The following KCTD1 variants were observed in gnomAD, a reference collection of about 807,000 sequenced individuals.
KCTD1 encodes the protein potassium channel tetramerization domain containing 1, also known as BTB/POZ domain-containing protein KCTD1.
A neutral mutation model predicts 66.0 loss-of-function variants in KCTD1; 24 were observed. The ratio of observed to expected loss-of-function variants is 0.36; its 90% CI spans 0.26 to 0.51. The LOEUF (loss-of-function observed/expected upper bound fraction) is 0.51, where lower values mean the gene tolerates loss of function less well. KCTD1 is among the 20% of genes least tolerant of loss of function. KCTD1 has a pLI of 0.95. For missense variants in KCTD1, 943 were observed against 1,205.2 expected, an observed-to-expected ratio of 0.78 and a Z score of 3.22; for synonymous variants, 511 against 517.2, an observed-to-expected ratio of 0.99 and a Z score of 0.16.
At position 26,476,541 on chromosome 18, in the gene KCTD1, TG is replaced by T; in HGVS notation, c.2106del (p.Lys703AsnfsTer63). On this transcript the variant is annotated frameshift_variant, in exon 3 of 5. Coordinates refer to ENST00000580059, the MANE Select transcript of KCTD1 (RefSeq NM_001142730.3). LOFTEE classifies it high-confidence loss of function. This position sits in a 1 kb window ranked among gnomAD's most constrained non-coding sequence, Gnocchi z 4.9. ...TTGAAATCATCAGGAATGAGGAGTT[TG>T]GATGTTCGTAGAAAATTCAAGATAT... ...FRYILNFLRT[S>X]KLLIPDDFKD... The T allele has an allele frequency of 6.2e-7, 1 of 1,613,456 alleles. No individual in the cohort carries two copies. The highest frequency in any genetic ancestry group is 8.5e-7 in the Non-Finnish European group (1 of 1,179,758).
At chr18:26,550,433 G>C (rs2144853401), upstream of KCTD1, among the ~76,000 whole-genome samples, 1 of 152,174 alleles carries the variant, frequency 6.6e-6, no homozygotes, top group East Asian at 1.9e-4. The surrounding 1 kb of genome is among the most constrained non-coding windows in gnomAD (Gnocchi z 5.4). Flanking sequence ...AACGCTGCTG[G>C]TCCTCCGCGT....
chr18:26,539,308 G>A (rs1298578370), intron 1 of KCTD1, among the ~76,000 whole-genome samples: 1 of 152,108 alleles, frequency 6.6e-6, no homozygotes, highest in Non-Finnish European at 1.5e-5. Flanking sequence ...GGCTGCATGA[G>A]GATTAAATGA....
intron 3 of KCTD1, among the ~76,000 whole-genome samples, chr18:26,469,642 C>G (rs940883571): frequency 2.0e-5 from 3 of 152,148 alleles, no homozygotes; most frequent in Non-Finnish European, 4.4e-5. Flanking sequence ...TTCTGATAAG[C>G]AGCATACAAT....
At chr18:26,548,867 G>T (rs1293028451), upstream of KCTD1, 2 of 1,007,400 alleles carry the variant, frequency 2.0e-6, no homozygotes, top group African/African-American at 3.4e-5. Context: ...AGCTGTCGGT[G>T]GGGGCGAAAC....
chr18:26,514,299 T>A (rs1027490766), intron 1 of KCTD1, among the ~76,000 whole-genome samples: 5 of 152,098 alleles, frequency 3.3e-5, no homozygotes, highest in Non-Finnish European at 7.4e-5. Context: ...ATGCTTATAA[T>A]CCCAGTGACT....
upstream of KCTD1, among the ~76,000 whole-genome samples, chr18:26,631,960 G>A (rs1387848583): frequency 6.6e-6 from 1 of 152,040 alleles, no homozygotes; most frequent in Non-Finnish European, 1.5e-5. Flanking sequence ...TGAGGCAGGA[G>A]AATGGTGTGA....
intron 1 of KCTD1, among the ~76,000 whole-genome samples, chr18:26,519,373 T>C (rs1291657287): frequency 6.6e-6 from 1 of 152,234 alleles, no homozygotes; most frequent in Non-Finnish European, 1.5e-5. Flanking sequence ...TATTAACCTC[T>C]TGTTCCTAAG....
intron 1 of KCTD1, chr18:26,544,904 T>C (rs1219971446): frequency 6.6e-6 from 1 of 152,196 alleles, no homozygotes; most frequent in Non-Finnish European, 1.5e-5. Flanking sequence ...ATATGGACAC[T>C]CAAATCTATA....
chr18:26,548,295 CCGT>C lies in KCTD1; in HGVS notation c.239_241del (p.Asp80del). On this transcript the variant is annotated inframe_deletion, in exon 1 of 5. Transcript: ENST00000580059. Reference sequence around the variant, plus strand: ...CTCGTCCTCCTCCAGCCCCCCACCTCCGTCCTCCTCCTCCTCCTCGTCCCCCGT... The same window carrying C: ...CTCGTCCTCCTCCAGCCCCCCACCTCCCTCCTCCTCCTCCTCGTCCCCCGT... 3 of 1,510,648 alleles carry C rather than the reference CCGT, an allele frequency of 2.0e-6. No individual in the cohort carries two copies. The highest frequency in any genetic ancestry group is 1.4e-5 in the African/African-American group (1 of 72,322). 93.6% of individuals were successfully genotyped at this position (1,510,648 alleles called of 1,614,324 possible). A position where few individuals can be genotyped will look rare whatever the true frequency, so the allele number is the denominator to read the frequency against.
chr18:26,551,819 G>C (rs1033618210), upstream of KCTD1, among the ~76,000 whole-genome samples: 1 of 152,082 alleles, frequency 6.6e-6, no homozygotes, highest in South Asian at 2.1e-4. Context: ...TATTATTTCT[G>C]TAGAGGCAAT....
At chr18:26,653,251 G>A (rs956492284) in intron 1 of KCTD1, among the ~76,000 whole-genome samples, 32 of 152,132 alleles carry the variant, frequency 2.1e-4, no homozygotes, top group Middle Eastern at 3.2e-3. Context: ...TGCTTCCTCC[G>A]TCTCTTACTC....
chr18:26,562,575 T>A (rs1985886259), intron 1 of KCTD1, among the ~76,000 whole-genome samples: 1 of 152,206 alleles, frequency 6.6e-6, no homozygotes, highest in African/African-American at 2.4e-5. Flanking sequence ...AGATTTGTTT[T>A]GAAATCCATC....
At chr18:26,512,850 G>A (rs1479702034) in intron 1 of KCTD1, among the ~76,000 whole-genome samples, 6 of 152,048 alleles carry the variant, frequency 3.9e-5, no homozygotes, top group Non-Finnish European at 7.4e-5. Flanking sequence ...GTGTGGTGGT[G>A]CATGCCTGTA....
At chr18:26,560,362 G>A (rs1414679683) in intron 1 of KCTD1, among the ~76,000 whole-genome samples, 3 of 152,076 alleles carry the variant, frequency 2.0e-5, no homozygotes, top group African/African-American at 7.2e-5. Context: ...CTGGTTTTCT[G>A]TTATTAAATT....
At chr18:26,656,103 C>T (rs1988130672) in intron 1 of KCTD1, among the ~76,000 whole-genome samples, 1 of 152,232 alleles carries the variant, frequency 6.6e-6, no homozygotes, top group East Asian at 1.9e-4. Context: ...AAACTGAATC[C>T]CTCCCGCCCA....
At position 26,548,249 on chromosome 18, in the gene KCTD1, C is replaced by CTCCTCCTCT; in HGVS notation, c.279_287dup (p.Glu94_Glu96dup). The CTCCTCCTCT allele has an allele frequency of 6.6e-7, 1 of 1,514,854 alleles. No individual in the cohort carries two copies. The highest frequency in any genetic ancestry group is 8.8e-7 in the Non-Finnish European group (1 of 1,135,530). 93.8% of individuals were successfully genotyped at this position (1,514,854 alleles called of 1,614,324 possible). ...GGGGCTCGTCCCAGTCCAGCCCCAT[C>CTCCTCCTCT]TCCTCCTCTTCCTCCTCCTCCTCGT... On this transcript the variant is annotated inframe_insertion, in exon 1 of 5. Coordinates refer to ENST00000580059, the MANE Select transcript of KCTD1 (RefSeq NM_001142730.3).
chr18:26,588,615 G>A (rs1986524002), intron 1 of KCTD1, among the ~76,000 whole-genome samples: 2 of 152,200 alleles, frequency 1.3e-5, no homozygotes, highest in East Asian at 1.9e-4. Flanking sequence ...GCTGGTGTGT[G>A]TGACACCTGT....
At chr18:26,550,563 C>T (rs993268565), upstream of KCTD1, among the ~76,000 whole-genome samples, 5 of 122,088 alleles carry the variant, frequency 4.1e-5, no homozygotes, top group African/African-American at 1.7e-4. The surrounding 1 kb of genome is among the most constrained non-coding windows in gnomAD (Gnocchi z 5.4). Context: ...ACAAGACACA[C>T]AGACACACAC....
At chr18:26,570,278 A>T (rs149071158) in intron 1 of KCTD1, among the ~76,000 whole-genome samples, 1 of 151,404 alleles carries the variant, frequency 6.6e-6, no homozygotes, top group Non-Finnish European at 1.5e-5. Context: ...GAAACAAGGA[A>T]ATTTGGAAAA....
Sources: gnomAD v4.1 joint callset for allele counts (sites outside exome capture counted in the v4.1 genomes callset) on GRCh38, gnomAD v4.1.1 for gene constraint, Gnocchi (gnomAD v3.1) non-coding constraint, MANE v1.5 for transcripts, NCBI Gene and HGNC (gene_info 2026-07-23, HGNC 2026-07-21) for gene names.